Variants in UBR3 observed in about 807,000 individuals in gnomAD.
UBR3 encodes E3 ubiquitin-protein ligase UBR3.
In UBR3, 85 loss-of-function variants were observed where a neutral mutation model predicts 243.2. The observed-to-expected ratio is 0.35, with a 90% CI of 0.29 to 0.42. UBR3 has a LOEUF of 0.42. Ranked by LOEUF, UBR3 falls within the 10% of genes least tolerant of loss-of-function variation. The pLI is 1.00. For missense variants in UBR3, 1,686 were observed against 2,300.8 expected, an observed-to-expected ratio of 0.73 and a Z score of 5.47; for synonymous variants, 748 against 799.8, an observed-to-expected ratio of 0.94 and a Z score of 1.09.
Position 169,949,722 on chromosome 2 carries a change from A to G in UBR3, c.3202A>G (p.Lys1068Glu). 3 of 1,551,716 alleles carry G rather than the reference A, an allele frequency of 1.9e-6. No homozygotes were observed. The highest frequency in any genetic ancestry group is 2.6e-6 in the Non-Finnish European group (3 of 1,146,794). The part of the protein sequence containing the change: ...NQVVRPKTSS[K>E]WSAPGSAPQL... ...GGTGGTTCGTCCCAAAACTTCAAGT[A>G]AATGGTCTGCTCCTGGTTCAGCTCC... Residue 1068 changes from lysine to glutamate, a missense_variant, in exon 23 of 39, where the codon AAA becomes GAA. This residue lies in a region of UBR3 where 300 missense variants were observed against 314.4 expected (regional missense o/e 0.95). Transcript: ENST00000272793.
chr2:169,864,906 CAAAAAAA>C (rs11336906), intron 1 of UBR3, among the ~76,000 whole-genome samples: 7,328 of 64,764 alleles, frequency 0.11, 230 homozygotes, highest in Non-Finnish European at 0.15. Context: ...GACTCCGTCT[CAAAAAAA>C]AAAAAAAAAA....
chr2:170,002,541 A>G (rs1472091186), intron 27 of UBR3, among the ~76,000 whole-genome samples: 2 of 152,186 alleles, frequency 1.3e-5, no homozygotes, highest in East Asian at 3.9e-4. Context: ...CTGATAAATG[A>G]GTCCAACATC....
At chr2:169,855,229 G>T (rs912075157) in intron 1 of UBR3, among the ~76,000 whole-genome samples, 19 of 152,240 alleles carry the variant, frequency 1.2e-4, no homozygotes, top group African/African-American at 4.6e-4. Context: ...TGGGTCAAAT[G>T]GATGTAAATT....
intron 24 of UBR3, among the ~76,000 whole-genome samples, chr2:169,977,474 C>T (rs918394334): frequency 3.9e-5 from 6 of 152,256 alleles, no homozygotes; most frequent in South Asian, 2.1e-4. Context: ...GTACAGTACC[C>T]GGTCTGAGAC....
chr2:169,984,282 C>T (rs2088895978), intron 24 of UBR3, among the ~76,000 whole-genome samples: 1 of 151,996 alleles, frequency 6.6e-6, no homozygotes, highest in African/African-American at 2.4e-5. Flanking sequence ...ATGCATGTTT[C>T]AGGATTTTAG....
intron 11 of UBR3, among the ~76,000 whole-genome samples, chr2:169,919,093 A>C (rs2085583895): frequency 6.6e-6 from 1 of 152,198 alleles, no homozygotes; most frequent in Non-Finnish European, 1.5e-5. Flanking sequence ...CATTTGCGGC[A>C]GGGGGAATAG....
intron 6 of UBR3, among the ~76,000 whole-genome samples, chr2:169,893,144 A>T (rs769621419): frequency 6.6e-6 from 1 of 152,206 alleles, no homozygotes; most frequent in African/African-American, 2.4e-5. Context: ...GACTGACATC[A>T]CCTATTTTAA....
At position 170,030,521 on chromosome 2, in the gene UBR3, T is replaced by C. The variant is rs181546944; in HGVS notation, c.4556+1073T>C. Among the ~76,000 whole-genome samples the C allele has an allele frequency of 7.2e-5, 11 of 152,266 alleles. No homozygotes were observed. The East Asian group carries it at 9.6e-4, about 13-fold the overall frequency. ...TTATTTCTTTTTTGTTACTTGTATC[T>C]TTTTTCTCTTAAAGTCTTGATTCCT... On this transcript the variant is annotated intron_variant, in intron 31 of 38. Transcript: ENST00000272793.
At chr2:170,072,136 G>A (rs1260753579) in intron 35 of UBR3, among the ~76,000 whole-genome samples, 9 of 152,138 alleles carry the variant, frequency 5.9e-5, no homozygotes, top group East Asian at 5.8e-4. Flanking sequence ...TGTTTATTGC[G>A]ACACTATTCA....
At chr2:170,031,768 G>A (rs528974831) in intron 31 of UBR3, among the ~76,000 whole-genome samples, 2 of 152,020 alleles carry the variant, frequency 1.3e-5, no homozygotes, top group African/African-American at 2.4e-5. Context: ...AAGTGAGAAC[G>A]TGCAGTGTTT....
intron 1 of UBR3, among the ~76,000 whole-genome samples, chr2:169,864,220 AT>A (rs1030336654): frequency 1.1e-4 from 16 of 152,000 alleles, no homozygotes; most frequent in Admixed American, 1.0e-3. Context: ...TAATTTTTGT[AT>A]TTTTTGTAGG....
At chr2:169,953,711 G>A (rs1460158163) in intron 23 of UBR3, among the ~76,000 whole-genome samples, 1 of 152,116 alleles carries the variant, frequency 6.6e-6, no homozygotes, top group Non-Finnish European at 1.5e-5. Flanking sequence ...TACATTTGAG[G>A]TTTTCTTATG....
intron 13 of UBR3, among the ~76,000 whole-genome samples, chr2:169,924,608 A>G (rs1167403563): frequency 1.3e-5 from 2 of 152,216 alleles, no homozygotes; most frequent in Non-Finnish European, 2.9e-5. Context: ...AATACCAGCA[A>G]TGTAATTTGA....
At chr2:169,991,996 G>A (rs2089294220) in intron 25 of UBR3, among the ~76,000 whole-genome samples, 1 of 152,080 alleles carries the variant, frequency 6.6e-6, no homozygotes, top group African/African-American at 2.4e-5. Flanking sequence ...CCTTTAGAAT[G>A]CAGTGAAAAT....
intron 5 of UBR3, among the ~76,000 whole-genome samples, chr2:169,880,609 T>G (rs1263475760): frequency 6.6e-6 from 1 of 152,200 alleles, no homozygotes; most frequent in Non-Finnish European, 1.5e-5. Flanking sequence ...CTTGTGTGTG[T>G]GTTTGTGTGT....
chr2:169,856,218 T>G lies in UBR3; in HGVS notation c.546-16018T>G, dbSNP rs1201450784. 2.8e-5 allele frequency among the ~76,000 whole-genome samples: 4 copies of G among 144,184 alleles called. No individual in the cohort carries two copies. The East Asian group carries it at 6.3e-4, about 23-fold the overall frequency. 94.6% of individuals were successfully genotyped at this position (144,184 alleles called of 152,430 possible). A position where few individuals can be genotyped will look rare whatever the true frequency, so the allele number is the denominator to read the frequency against. ...CGGGGTCGCGGCCGGGCAGAGGCGC[T>G]CCTCACATCCCAGATGGGGCGGCGG... On this transcript the variant is annotated intron_variant, in intron 1 of 38. Coordinates refer to ENST00000272793, the MANE Select transcript of UBR3 (RefSeq NM_172070.4).
At chr2:169,881,995 A>G (rs1361613090) in intron 5 of UBR3, among the ~76,000 whole-genome samples, 3 of 124,654 alleles carry the variant, frequency 2.4e-5, no homozygotes, top group Admixed American at 1.8e-4. Flanking sequence ...GTATATGTAT[A>G]TTTATATAAT....
intron 1 of UBR3, among the ~76,000 whole-genome samples, chr2:169,837,287 A>G (rs374820586): frequency 2.0e-5 from 3 of 152,128 alleles, no homozygotes; most frequent in East Asian, 1.9e-4. Context: ...GACCAGCCTG[A>G]CCAACATGGA....
chr2:169,838,667 C>T (rs1353585448), intron 1 of UBR3, among the ~76,000 whole-genome samples: 6 of 152,126 alleles, frequency 3.9e-5, no homozygotes, highest in African/African-American at 1.2e-4. Flanking sequence ...CTCTGCCCCT[C>T]GCCCCCAAAA....
Sources: allele counts gnomAD v4.1 joint callset (sites outside exome capture counted in the v4.1 genomes callset), GRCh38; gene constraint gnomAD v4.1.1; regional missense constraint gnomAD v4.1.1; transcripts MANE v1.5; gene names NCBI Gene and HGNC (gene_info 2026-07-23, HGNC 2026-07-21).